CDH4: variants seen among roughly 807,000 people sequenced by gnomAD.
The protein encoded by CDH4 is cadherin 4, also known as cadherin-4.
A neutral mutation model predicts 86.0 loss-of-function variants in CDH4; 33 were observed. The ratio of observed to expected loss-of-function variants is 0.38; its 90% CI spans 0.29 to 0.51. CDH4 has a LOEUF of 0.51. Among genes scored for constraint, CDH4 ranks in the 20% least tolerant of loss-of-function variants. The pLI is 0.86. For missense variants in CDH4, 1,114 were observed against 1,307.4 expected (o/e 0.85, Z 2.28); for synonymous variants, 555 against 549.4 (o/e 1.01, Z -0.14).
rs201446505 is a variant in CDH4, at chr20:61,932,869, C to CAG, written c.2240-115_2240-114dup. 1.5e-3 allele frequency: 2,012 copies of CAG among 1,364,370 alleles called. 23 individuals are homozygous for CAG. The African/African-American group carries it at 0.024, about 16-fold the overall frequency. The allele number at this position is 1,364,370 out of a possible 1,614,324, so 84.5% of individuals were successfully genotyped here. A position where few individuals can be genotyped will look rare whatever the true frequency, so the allele number is the denominator to read the frequency against. ...ACAGGTGTGCATGCACACATGGGCA[C>CAG]AGTCATGCTTGTGTGCCACCTGCAT... On this transcript the variant is annotated intron_variant, in intron 13 of 15. Coordinates refer to ENST00000614565, the MANE Select transcript of CDH4 (RefSeq NM_001794.5).
chr20:61,565,352 GTGATGGGGTGA>G (rs1281997830), intron 2 of CDH4, among the ~76,000 whole-genome samples: 7 of 35,378 alleles, frequency 2.0e-4, no homozygotes, highest in East Asian at 2.6e-3. Context: ...GGTCCTCTTG[GTGATGGGGTGA>G]TGGTGGTGGT....
At chr20:61,814,602 G>A (rs58182812) in intron 4 of CDH4, among the ~76,000 whole-genome samples, 5,613 of 152,332 alleles carry the variant, frequency 0.037, 353 homozygotes, top group African/African-American at 0.13. Context: ...CAGCGATGTG[G>A]AAATGGACCC....
chr20:61,549,072 T>C (rs942234742), intron 2 of CDH4, among the ~76,000 whole-genome samples: 5 of 152,196 alleles, frequency 3.3e-5, no homozygotes, highest in Non-Finnish European at 7.3e-5. Flanking sequence ...AGTGTCATTC[T>C]GTGTCTTGCC....
At chr20:61,312,977 AGGGC>A (rs970078207) in intron 2 of CDH4, among the ~76,000 whole-genome samples, 11 of 152,130 alleles carry the variant, frequency 7.2e-5, no homozygotes, top group African/African-American at 2.7e-4. Flanking sequence ...CACTGCCTCC[AGGGC>A]CTGGGGGTCT....
intron 2 of CDH4, among the ~76,000 whole-genome samples, chr20:61,602,133 T>A (rs2086606105): frequency 6.6e-6 from 1 of 152,170 alleles, no homozygotes; most frequent in Non-Finnish European, 1.5e-5. Flanking sequence ...TTCTGGTGAA[T>A]GCAGCAGGTC....
rs576393083 is a variant in CDH4 at position 61,778,370 on chromosome 20, C to A, written c.576+5188C>A. On this transcript the variant is annotated intron_variant, in intron 4 of 15. Transcript: ENST00000614565. ...TGATAAAATATGTTAAACGAAAAAACGAGCGGGAGAGGAGGAGGCAGAATA... is the reference window on the plus strand; with the variant it reads ...TGATAAAATATGTTAAACGAAAAAAAGAGCGGGAGAGGAGGAGGCAGAATA... 2.6e-5 allele frequency among the ~76,000 whole-genome samples: 4 copies of A among 152,242 alleles called. No individual in the cohort carries two copies. The South Asian group carries it at 8.3e-4, about 32-fold the overall frequency.
Position 61,566,633 on chromosome 20 carries a change from G to C in CDH4, c.170-176930G>C, listed in dbSNP as rs532011038. 7.9e-5 allele frequency among the ~76,000 whole-genome samples: 12 copies of C among 152,294 alleles called. No homozygotes were observed. In the East Asian group the frequency reaches 2.1e-3, roughly 27 times the overall value. ...ACAAGGTGGCCCCGAGGACCCGTCA[G>C]TGCCCACGGGGTGCCCATAAAACTT... On this transcript the variant is annotated intron_variant, in intron 2 of 15. Transcript: ENST00000614565.
At chr20:61,884,611 C>T (rs1473947394) in intron 7 of CDH4, among the ~76,000 whole-genome samples, 2 of 152,104 alleles carry the variant, frequency 1.3e-5, no homozygotes, top group African/African-American at 4.8e-5. Flanking sequence ...CCTCCCCACC[C>T]CAGGCGAGGG....
intron 7 of CDH4, among the ~76,000 whole-genome samples, chr20:61,881,249 G>A (rs561970769): frequency 6.6e-6 from 1 of 152,214 alleles, no homozygotes; most frequent in Non-Finnish European, 1.5e-5. Flanking sequence ...ACGTGCACAC[G>A]GGGTGATCTC....
At chr20:61,932,070 C>T (rs1010051676) in intron 13 of CDH4, among the ~76,000 whole-genome samples, 2 of 152,136 alleles carry the variant, frequency 1.3e-5, no homozygotes, top group African/African-American at 4.8e-5. Flanking sequence ...GGCAGAGCCT[C>T]TTTCAATATG....
At chr20:61,802,738 T>C (rs775851132) in intron 4 of CDH4, among the ~76,000 whole-genome samples, 45 of 152,048 alleles carry the variant, frequency 3.0e-4, no homozygotes, top group Non-Finnish European at 5.3e-4. Flanking sequence ...GGGAAACAGG[T>C]GCCACCTGGG....
chr20:61,331,760 C>T (rs2084581675), intron 2 of CDH4, among the ~76,000 whole-genome samples: 1 of 64,138 alleles, frequency 1.6e-5, no homozygotes. Flanking sequence ...CCCAGGTCCC[C>T]TGTGTTAGTT....
chr20:61,824,298 G>C (rs1177106476), intron 4 of CDH4, among the ~76,000 whole-genome samples: 1 of 151,292 alleles, frequency 6.6e-6, no homozygotes, highest in Non-Finnish European at 1.5e-5. Context: ...TGGATTCATG[G>C]ATAACTGGTA....
At chr20:61,793,524 C>T (rs780445083) in intron 4 of CDH4, among the ~76,000 whole-genome samples, 1 of 152,062 alleles carries the variant, frequency 6.6e-6, no homozygotes, top group Non-Finnish European at 1.5e-5. Flanking sequence ...GCTCCCTGGA[C>T]AGTCATTTTC....
At chr20:61,330,433 T>C (rs1371972361) in intron 2 of CDH4, among the ~76,000 whole-genome samples, 1 of 152,194 alleles carries the variant, frequency 6.6e-6, no homozygotes, top group Non-Finnish European at 1.5e-5. Context: ...TGGTATCTCA[T>C]TGTGGTTTTG....
chr20:61,755,187 G>A (rs1370470184), intron 3 of CDH4: 1 of 151,612 alleles, frequency 6.6e-6, no homozygotes, highest in African/African-American at 2.4e-5. Flanking sequence ...CCTCCCCCTG[G>A]GTTCCTCCCA....
At chr20:61,864,237 CCTGTG>C (rs1983448562) in intron 6 of CDH4, among the ~76,000 whole-genome samples, 1 of 152,178 alleles carries the variant, frequency 6.6e-6, no homozygotes, top group Non-Finnish European at 1.5e-5. Context: ...GGCGTTGAGC[CCTGTG>C]TGCTGGTGCT....
intron 2 of CDH4, among the ~76,000 whole-genome samples, chr20:61,620,179 T>TGGGAGGGG (rs2086760348): frequency 1.1e-5 from 1 of 91,412 alleles, no homozygotes; most frequent in African/African-American, 4.3e-5. Flanking sequence ...GATGGATGGG[T>TGGGAGGGG]GGGTGGGTGG....
chr20:61,812,296 A>C (rs1376150141), intron 4 of CDH4, among the ~76,000 whole-genome samples: 2 of 152,134 alleles, frequency 1.3e-5, no homozygotes, highest in Non-Finnish European at 2.9e-5. Context: ...GCTGAGGAGC[A>C]CAGGCTGGCC....
Sources: allele counts gnomAD v4.1 joint callset (sites outside exome capture counted in the v4.1 genomes callset), GRCh38; gene constraint gnomAD v4.1.1; transcripts MANE v1.5; gene names NCBI Gene and HGNC (gene_info 2026-07-23, HGNC 2026-07-21).